The following PREX1 variants were observed in gnomAD, a reference collection of about 807,000 sequenced individuals.
PREX1 encodes the protein phosphatidylinositol 3,4,5-trisphosphate-dependent Rac exchanger 1 protein.
PREX1 carries 41 observed loss-of-function variants against 198.3 expected under a neutral mutation model. The observed-to-expected ratio is 0.21, with a 90% CI of 0.16 to 0.27. The LOEUF is 0.27. Ranked by LOEUF, PREX1 falls within the 10% of genes least tolerant of loss-of-function variation. The probability of loss-of-function intolerance (pLI) is 1.00; values close to 1 mark genes in which losing one functional copy is unlikely to be tolerated. For synonymous variants in PREX1, 843 were observed against 887.2 expected (o/e 0.95, Z 0.89); for missense variants, 1,620 against 2,200.7 (o/e 0.74, Z 5.28).
chr20:48,819,982 C>T (rs971397147), intron 1 of PREX1, among the ~76,000 whole-genome samples: 8 of 152,238 alleles, frequency 5.3e-5, no homozygotes, highest in Non-Finnish European at 7.3e-5. Flanking sequence ...TGGGTCCTGA[C>T]GGCCAATGGC....
At chr20:48,673,193 C>T (rs571245271) in intron 14 of PREX1, among the ~76,000 whole-genome samples, 9 of 152,306 alleles carry the variant, frequency 5.9e-5, no homozygotes, top group South Asian at 2.1e-4. Flanking sequence ...CCTGCCCATC[C>T]GCTGGAAAGC....
chr20:48,748,315 C>G (rs1345425630), intron 1 of PREX1, among the ~76,000 whole-genome samples: 1 of 151,978 alleles, frequency 6.6e-6, no homozygotes, highest in Non-Finnish European at 1.5e-5. Flanking sequence ...GCTCAAAAGT[C>G]AAAAATAAAA....
At chr20:48,799,019 G>A (rs1017056338) in intron 1 of PREX1, among the ~76,000 whole-genome samples, 3 of 152,122 alleles carry the variant, frequency 2.0e-5, no homozygotes, top group East Asian at 3.9e-4. Flanking sequence ...GAATAGCTGA[G>A]ATTACAGGCA....
Position 48,730,025 on chromosome 20 carries a change from G to A in PREX1, c.520-3634C>T, listed in dbSNP as rs896237992. ...CTGCCACAAGCCAGGGAGCACCGACGGCCGCTGGAAGATTAAAGAGGAAAG... is the reference window on the plus strand; with the variant it reads ...CTGCCACAAGCCAGGGAGCACCGACAGCCGCTGGAAGATTAAAGAGGAAAG... On this transcript the variant is annotated intron_variant, in intron 4 of 39. Coordinates refer to ENST00000371941, the MANE Select transcript of PREX1 (RefSeq NM_020820.4). Among the ~76,000 whole-genome samples the A allele has an allele frequency of 5.3e-5, 8 of 152,166 alleles. No individual in the cohort carries two copies. The East Asian group carries it at 5.8e-4, about 11-fold the overall frequency.
intron 9 of PREX1, 57 bp from the exon 10 acceptor site, chr20:48,688,861 A>G (rs1193468555): frequency 6.9e-6 from 11 of 1,583,988 alleles, no homozygotes; most frequent in Non-Finnish European, 9.5e-6. Context: ...CAGGGGGGGT[A>G]GGGGGAGACA....
intron 1 of PREX1, among the ~76,000 whole-genome samples, chr20:48,781,289 T>C (rs1449015517): frequency 6.6e-6 from 1 of 152,194 alleles, no homozygotes; most frequent in East Asian, 1.9e-4. Flanking sequence ...ACTTAGGTAA[T>C]TATACTACAG....
chr20:48,816,029 GA>G (rs35288307), intron 1 of PREX1, among the ~76,000 whole-genome samples: 36,529 of 124,538 alleles, frequency 0.29, 4,889 homozygotes, highest in Non-Finnish European at 0.36. Context: ...AGAAAAAAAG[GA>G]AAAAAAAAAA....
At chr20:48,882,288 G>A in the PREX1 span, among the ~76,000 whole-genome samples, 6 of 151,994 alleles carry the variant, frequency 3.9e-5, no homozygotes, top group East Asian at 1.2e-3. Context: ...GGATCACGAG[G>A]TCAGGAGATC....
chr20:48,717,947 C>T (rs1328641176), intron 5 of PREX1, among the ~76,000 whole-genome samples: 2 of 152,218 alleles, frequency 1.3e-5, no homozygotes, highest in Non-Finnish European at 2.9e-5. Context: ...CAGCCTCTGT[C>T]AGCAAAGCAG....
the PREX1 span, among the ~76,000 whole-genome samples, chr20:48,865,457 G>A: frequency 1.3e-5 from 2 of 152,170 alleles, no homozygotes; most frequent in Admixed American, 1.3e-4. Context: ...TCCATGTATT[G>A]CAATTGAGCC....
At chr20:48,795,034 T>C (rs2090355016) in intron 1 of PREX1, among the ~76,000 whole-genome samples, 1 of 152,174 alleles carries the variant, frequency 6.6e-6, no homozygotes. Context: ...TTAATGTAAT[T>C]CTCTTGCGTC....
At chr20:48,759,903 G>C (rs1045685697) in intron 1 of PREX1, among the ~76,000 whole-genome samples, 2 of 151,964 alleles carry the variant, frequency 1.3e-5, no homozygotes, top group African/African-American at 4.8e-5. Flanking sequence ...CCAGGAGTTC[G>C]AGCAATCAAT....
intron 9 of PREX1, 58 bp from the exon 10 acceptor site, chr20:48,688,862 G>A (rs928096124): frequency 1.9e-5 from 30 of 1,605,206 alleles, no homozygotes; most frequent in Middle Eastern, 1.7e-4. Flanking sequence ...AGGGGGGGTA[G>A]GGGGAGACAA....
At chr20:48,734,741 G>C in intron 3 of PREX1, 91 bp from the exon 4 acceptor site, 5 of 1,099,956 alleles carry the variant, frequency 4.5e-6, no homozygotes, top group Non-Finnish European at 6.9e-6. Flanking sequence ...GTAGGGTAGG[G>C]GTAAGGACTA....
At chr20:48,658,865 A>G (rs570880236) in intron 16 of PREX1, among the ~76,000 whole-genome samples, 9 of 152,048 alleles carry the variant, frequency 5.9e-5, no homozygotes, top group Non-Finnish European at 1.2e-4. Context: ...GTGGAGGAAC[A>G]TGCTCCAGGC....
the PREX1 span, among the ~76,000 whole-genome samples, chr20:48,846,019 G>A: frequency 2.0e-5 from 3 of 152,218 alleles, no homozygotes; most frequent in Non-Finnish European, 4.4e-5. Context: ...AGTAGATACT[G>A]TGTGCCAGGC....
intron 39 of PREX1, among the ~76,000 whole-genome samples, chr20:48,627,314 T>C (rs1444523033): frequency 6.7e-6 from 1 of 148,716 alleles, no homozygotes. Flanking sequence ...GGTGGGAGGA[T>C]CTCATAGAGT....
chr20:48,742,638 A>G (rs2090087481), intron 3 of PREX1, among the ~76,000 whole-genome samples: 1 of 152,144 alleles, frequency 6.6e-6, no homozygotes, highest in Non-Finnish European at 1.5e-5. Flanking sequence ...CCAGGTGCCT[A>G]GTTTGATGAG....
At chr20:48,700,434 CTT>C (rs2089867777) in intron 7 of PREX1, among the ~76,000 whole-genome samples, 1 of 152,098 alleles carries the variant, frequency 6.6e-6, no homozygotes, top group Non-Finnish European at 1.5e-5. Context: ...CAAAATATCT[CTT>C]TAATAATTTT....
Sources: allele counts gnomAD v4.1 joint callset (sites outside exome capture counted in the v4.1 genomes callset), GRCh38; gene constraint gnomAD v4.1.1; transcripts MANE v1.5; gene names NCBI Gene and HGNC (gene_info 2026-07-23, HGNC 2026-07-21).